The following GAS2L3 variants were observed in gnomAD, a reference collection of about 807,000 sequenced individuals.
GAS2L3 encodes growth arrest specific 2 like 3.
A neutral mutation model predicts 37.0 loss-of-function variants in GAS2L3; 28 were observed. The ratio of observed to expected loss-of-function variants is 0.76; its 90% CI spans 0.56 to 1.04. The LOEUF (loss-of-function observed/expected upper bound fraction) is 1.04, where lower values mean the gene tolerates loss of function less well. Among genes scored for constraint, GAS2L3 ranks in the 50% least tolerant of loss-of-function variants. The pLI is 0.00. For missense variants in GAS2L3, 793 were observed against 817.6 expected, an observed-to-expected ratio of 0.97 and a Z score of 0.37; for synonymous variants, 290 against 296.6, an observed-to-expected ratio of 0.98 and a Z score of 0.23.
At chr12:100,598,503 A>G (rs996086026) in intron 3 of GAS2L3, among the ~76,000 whole-genome samples, 6 of 152,150 alleles carry the variant, frequency 3.9e-5, no homozygotes, top group Non-Finnish European at 7.4e-5. Flanking sequence ...GTTCACCTCC[A>G]TTATTTGGTT....
chr12:100,618,165 C>G (rs1409945675), intron 7 of GAS2L3, among the ~76,000 whole-genome samples: 3 of 152,130 alleles, frequency 2.0e-5, no homozygotes, highest in Non-Finnish European at 4.4e-5. Flanking sequence ...ATACCTACTT[C>G]AGTTCTATCT....
Position 100,573,770 on chromosome 12 carries a change from G to T in GAS2L3, c.-167G>T. 6.5e-6 allele frequency: 1 copy of T among 153,774 alleles called. No homozygotes were observed. Among genetic ancestry groups the T allele is most frequent in the South Asian group, 1.8e-4 (1 of 5,574 alleles). The allele number at this position is 153,774 out of a possible 1,614,324, so 9.5% of individuals were successfully genotyped here. A position where few individuals can be genotyped will look rare whatever the true frequency, so the allele number is the denominator to read the frequency against. On this transcript the variant is annotated 5_prime_UTR_variant, in exon 1 of 10. Transcript: ENST00000547754. ...GAGTTGTCGCCCCGCTGGGAGAAGTGACCCTCCTGCGCCTGGTGAGTACTT... is the reference window on the plus strand; with the variant it reads ...GAGTTGTCGCCCCGCTGGGAGAAGTTACCCTCCTGCGCCTGGTGAGTACTT...
Position 100,618,287 on chromosome 12 carries a change from A to G in GAS2L3, c.510-162A>G, listed in dbSNP as rs540702357. ...GTGAGGACTGTAATATAGATATTTT[A>G]CAATCTGTGAGACATTAAAAAGCAT... On this transcript the variant is annotated intron_variant, in intron 7 of 9. Transcript: ENST00000547754. Among the ~76,000 whole-genome samples the G allele has an allele frequency of 8.5e-5, 13 of 152,300 alleles. No homozygotes were observed. In the South Asian group the frequency reaches 2.7e-3, roughly 32 times the overall value.
chr12:100,595,194 A>T (rs1471090668), intron 3 of GAS2L3, among the ~76,000 whole-genome samples: 1 of 151,978 alleles, frequency 6.6e-6, no homozygotes, highest in Non-Finnish European at 1.5e-5. Flanking sequence ...AAAATACCTT[A>T]GGGTTGGTAG....
rs762226864 is a variant in GAS2L3, at chr12:100,624,539, A to C, written c.1734A>C (p.Ser578=). 4 of 1,614,092 alleles carry C rather than the reference A, an allele frequency of 2.5e-6. No homozygotes were observed. Among genetic ancestry groups the C allele is most frequent in the Non-Finnish European group, 3.4e-6 (4 of 1,180,024 alleles). Residue 578 remains serine, a synonymous_variant, in exon 10 of 10, where the codon TCA becomes TCC. Coordinates refer to ENST00000547754, the MANE Select transcript of GAS2L3 (RefSeq NM_174942.3). ...CTCCTGTAAAAGCCACACAGAAATCAAAAGATAAGAATATAGTTTCAGCTA... is the reference window on the plus strand; with the variant it reads ...CTCCTGTAAAAGCCACACAGAAATCCAAAGATAAGAATATAGTTTCAGCTA... The part of the protein sequence containing the change: ...SVSPVKATQK[S]KDKNIVSATK...
intron 6 of GAS2L3, among the ~76,000 whole-genome samples, chr12:100,615,850 T>C (rs901123499): frequency 5.3e-5 from 8 of 152,200 alleles, no homozygotes; most frequent in Non-Finnish European, 1.0e-4. Flanking sequence ...GGTCTGTACA[T>C]CTATCCCTAT....
At position 100,622,338 on chromosome 12, in the gene GAS2L3, T is replaced by C. The variant is rs772449796; in HGVS notation, c.712T>C (p.Ser238Pro). Residue 238 changes from serine to proline, a missense_variant, in exon 9 of 10, where the codon TCT (serine) becomes CCT (proline). Coordinates refer to ENST00000547754, the MANE Select transcript of GAS2L3 (RefSeq NM_174942.3). ...TCATCGATTTTCTATTGAGTATTTA[T>C]CTGAAGGACGGTACCGACTAGGGGA... Reference protein sequence around the residue: ...CSHRFSIEYLSEGRYRLGDKI... With the variant: ...CSHRFSIEYLPEGRYRLGDKI... 5 of 1,604,086 alleles carry C rather than the reference T, an allele frequency of 3.1e-6. No homozygotes were observed. The highest frequency in any genetic ancestry group is 4.3e-6 in the Non-Finnish European group (5 of 1,171,688).
intron 6 of GAS2L3, among the ~76,000 whole-genome samples, chr12:100,614,807 TAGCAC>T (rs1282574916): frequency 6.6e-6 from 1 of 152,242 alleles, no homozygotes; most frequent in East Asian, 1.9e-4. Context: ...TTCTTTTAGT[TAGCAC>T]AGTGGTTCAT....
chr12:100,578,863 C>G (rs1413640917), intron 1 of GAS2L3: 1 of 755,196 alleles, frequency 1.3e-6, no homozygotes, highest in African/African-American at 1.7e-5. Flanking sequence ...TGGCATCTGA[C>G]TTTTTCTACC....
intron 2 of GAS2L3, chr12:100,592,568 T>A (rs939726576): frequency 4.6e-5 from 7 of 152,124 alleles, no homozygotes; most frequent in African/African-American, 1.7e-4. Context: ...TAATCTTGAG[T>A]ACCTCATGAC....
intron 9 of GAS2L3, among the ~76,000 whole-genome samples, chr12:100,623,337 T>C (rs1956282612): frequency 6.6e-6 from 1 of 152,214 alleles, no homozygotes; most frequent in African/African-American, 2.4e-5. Flanking sequence ...TGTAAATACC[T>C]TCCTTACAAA....
Position 100,618,298 on chromosome 12 carries a change from G to A in GAS2L3, c.510-151G>A, listed in dbSNP as rs957797554. 4 of 742,398 alleles carry A rather than the reference G, an allele frequency of 5.4e-6. No homozygotes were observed. The African/African-American group carries it at 7.2e-5, about 13-fold the overall frequency. The allele number at this position is 742,398 out of a possible 1,614,324, so 46.0% of individuals were successfully genotyped here. A position where few individuals can be genotyped will look rare whatever the true frequency, so the allele number is the denominator to read the frequency against. ...AATATAGATATTTTACAATCTGTGA[G>A]ACATTAAAAAGCATTTTCAAATATC... On this transcript the variant is annotated intron_variant, in intron 7 of 9. Transcript: ENST00000547754.
At chr12:100,616,062 G>T (rs1956183962) in intron 6 of GAS2L3, among the ~76,000 whole-genome samples, 1 of 152,168 alleles carries the variant, frequency 6.6e-6, no homozygotes. Context: ...CACTGAATCT[G>T]TAGGTCAGTT....
intron 1 of GAS2L3, among the ~76,000 whole-genome samples, chr12:100,585,699 C>T (rs562138817): frequency 6.6e-6 from 1 of 152,332 alleles, no homozygotes; most frequent in African/African-American, 2.4e-5. Context: ...ACATTCCTCT[C>T]CTTTACCCCA....
At chr12:100,577,647 A>G (rs1407567157) in intron 1 of GAS2L3, among the ~76,000 whole-genome samples, 1 of 152,234 alleles carries the variant, frequency 6.6e-6, no homozygotes, top group Non-Finnish European at 1.5e-5. Context: ...CTCTGATTTC[A>G]TAGTGACATA....
rs770449052 is a variant in GAS2L3, at chr12:100,623,646, C to G, written c.841C>G (p.Arg281Gly). The G allele has an allele frequency of 1.2e-6, 2 of 1,613,592 alleles. No homozygotes were observed. The highest frequency in any genetic ancestry group is 1.7e-5 in the Admixed American group (1 of 59,970). Reference sequence around the variant, plus strand: ...ATTTTTGCTTAAATATGACCCCTGTCGAATATTACAGTTTGCCACATTAGA... The same window carrying G: ...ATTTTTGCTTAAATATGACCCCTGTGGAATATTACAGTTTGCCACATTAGA... Reference protein sequence around the residue: ...QGFLLKYDPCRILQFATLEQK... With the variant: ...QGFLLKYDPCGILQFATLEQK... The change falls in exon 10 of 10, where the codon CGA becomes GGA. Residue 281 changes from arginine to glycine, a missense_variant. Arg to Gly is a moderately radical substitution (Grantham distance 125). Transcript: ENST00000547754.
chr12:100,575,775 G>A (rs1057098930), intron 1 of GAS2L3, among the ~76,000 whole-genome samples: 1 of 152,092 alleles, frequency 6.6e-6, no homozygotes, highest in South Asian at 2.1e-4. Flanking sequence ...ACCGCGCCTG[G>A]CCGTTATCTC....
At chr12:100,583,527 CT>C (rs530651041) in intron 1 of GAS2L3, among the ~76,000 whole-genome samples, 4 of 151,974 alleles carry the variant, frequency 2.6e-5, no homozygotes, top group African/African-American at 9.7e-5. Flanking sequence ...TCCTTTCTTT[CT>C]TTTTTTTCTC....
Position 100,585,391 on chromosome 12 carries a change from G to A in GAS2L3, c.-151-6345G>A, listed in dbSNP as rs949483762. On this transcript the variant is annotated intron_variant, in intron 1 of 9. Transcript: ENST00000547754. Reference sequence around the variant, plus strand: ...CTGCCTCAGCCTCCCAAGTAGCTGGGATTACAGGTGCCCACCACCACACCT... The same window carrying A: ...CTGCCTCAGCCTCCCAAGTAGCTGGAATTACAGGTGCCCACCACCACACCT... Among the ~76,000 whole-genome samples, 4 of 151,924 alleles carry A rather than the reference G, an allele frequency of 2.6e-5. No homozygotes were observed. The East Asian group carries it at 7.8e-4, about 30-fold the overall frequency.
Sources: allele counts gnomAD v4.1 joint callset (sites outside exome capture counted in the v4.1 genomes callset), GRCh38; gene constraint gnomAD v4.1.1; transcripts MANE v1.5; gene names NCBI Gene and HGNC (gene_info 2026-07-23, HGNC 2026-07-21).